GRIK4: variants seen among roughly 807,000 people sequenced by gnomAD.
GRIK4 encodes the protein glutamate receptor ionotropic, kainate 4.
GRIK4 carries 40 observed loss-of-function variants against 104.9 expected under a neutral mutation model. The ratio of observed to expected loss-of-function variants is 0.38; its 90% CI spans 0.30 to 0.50. GRIK4 has a LOEUF of 0.50. Among genes scored for constraint, GRIK4 ranks in the 20% least tolerant of loss-of-function variants. The probability of loss-of-function intolerance (pLI) is 0.93; values close to 1 mark genes in which losing one functional copy is unlikely to be tolerated. For missense variants in GRIK4, 1,047 were observed against 1,308.1 expected (o/e 0.80, Z 3.08); for synonymous variants, 485 against 524.9 (o/e 0.92, Z 1.04).
chr11:120,595,207 C>T (rs1157318661), intron 1 of GRIK4, among the ~76,000 whole-genome samples: 1 of 152,230 alleles, frequency 6.6e-6, no homozygotes, highest in Non-Finnish European at 1.5e-5. Context: ...CGTGCTGTGC[C>T]CTCTCCTGCC....
At chr11:120,949,881 G>A (rs1943956739) in intron 14 of GRIK4, among the ~76,000 whole-genome samples, 1 of 152,148 alleles carries the variant, frequency 6.6e-6, no homozygotes, top group Non-Finnish European at 1.5e-5. Context: ...ATTGGGTATT[G>A]AAATCAAGAG....
rs118185923 is a variant in GRIK4, at chr11:120,730,965, G to A, written c.82+70565G>A. 5.3e-3 allele frequency among the ~76,000 whole-genome samples: 808 copies of A among 152,200 alleles called. 4 individuals are homozygous for A. The highest frequency in any genetic ancestry group is 8.2e-3 in the Admixed American group (125 of 15,282). On this transcript the variant is annotated intron_variant, in intron 3 of 20. Coordinates refer to ENST00000527524, the MANE Select transcript of GRIK4 (RefSeq NM_014619.5). ...TATCAGTTCTAATAGTTTTTTGGTG[G>A]AGTCTTCAGGTTTTTCCAAATGCAA...
At chr11:120,771,379 A>G (rs1008626657) in intron 3 of GRIK4, among the ~76,000 whole-genome samples, 1 of 152,210 alleles carries the variant, frequency 6.6e-6, no homozygotes, top group Non-Finnish European at 1.5e-5. Context: ...TTGTGTTCTA[A>G]TATTGTAATA....
At chr11:120,599,500 G>A (rs556931455) in intron 1 of GRIK4, among the ~76,000 whole-genome samples, 2 of 152,318 alleles carry the variant, frequency 1.3e-5, no homozygotes, top group South Asian at 2.1e-4. Flanking sequence ...AGACCAGAGG[G>A]TTTTAGGCCC....
At chr11:120,643,817 G>A (rs1052114328) in intron 1 of GRIK4, among the ~76,000 whole-genome samples, 4 of 152,154 alleles carry the variant, frequency 2.6e-5, no homozygotes, top group Non-Finnish European at 5.9e-5. Context: ...GTCTAATAAC[G>A]TTAGTTCTAG....
chr11:120,820,657 C>A (rs1267789973), intron 6 of GRIK4, among the ~76,000 whole-genome samples: 3 of 152,224 alleles, frequency 2.0e-5, no homozygotes, highest in Non-Finnish European at 4.4e-5. Flanking sequence ...CCCCAGGCAC[C>A]TGTGTCCTGC....
At chr11:120,795,951 T>C (rs1293080827) in intron 3 of GRIK4, among the ~76,000 whole-genome samples, 1 of 152,188 alleles carries the variant, frequency 6.6e-6, no homozygotes, top group Non-Finnish European at 1.5e-5. Flanking sequence ...ACAGTATAAG[T>C]GTTATGCAAA....
At chr11:120,962,020 T>G (rs892210467) in intron 17 of GRIK4, among the ~76,000 whole-genome samples, 2 of 152,182 alleles carry the variant, frequency 1.3e-5, no homozygotes, top group Admixed American at 1.3e-4. Context: ...AATAGGAAAC[T>G]GCTTCTTCAA....
intron 1 of GRIK4, among the ~76,000 whole-genome samples, chr11:120,612,692 G>C (rs1949052267): frequency 6.6e-6 from 1 of 152,198 alleles, no homozygotes; most frequent in African/African-American, 2.4e-5. Context: ...CTCAGTTAAA[G>C]GGAATTATTA....
chr11:120,606,739 T>C (rs1465244994), intron 1 of GRIK4, among the ~76,000 whole-genome samples: 1 of 152,088 alleles, frequency 6.6e-6, no homozygotes, highest in East Asian at 1.9e-4. Context: ...CGGAGGTGAC[T>C]GGGAGTGATG....
intron 3 of GRIK4, among the ~76,000 whole-genome samples, chr11:120,660,702 T>C (rs1036435577): frequency 2.0e-5 from 3 of 151,966 alleles, no homozygotes; most frequent in African/African-American, 7.3e-5. Context: ...AAAAGGAGGG[T>C]GAGGATGGCC....
At chr11:120,515,913 C>T (rs72998715) in intron 1 of GRIK4, among the ~76,000 whole-genome samples, 4 of 152,286 alleles carry the variant, frequency 2.6e-5, no homozygotes, top group Non-Finnish European at 4.4e-5. Flanking sequence ...AGTCCAGCTA[C>T]CCGGCGAGTT....
intron 17 of GRIK4, 81 bp from the exon 18 acceptor site, chr11:120,962,375 G>T: frequency 1.1e-6 from 1 of 887,524 alleles, no homozygotes; most frequent in Non-Finnish European, 1.8e-6. Flanking sequence ...GCATCTTAAG[G>T]TGCACTTTGA....
intron 12 of GRIK4, among the ~76,000 whole-genome samples, chr11:120,899,275 G>T (rs1313842682): frequency 6.6e-6 from 1 of 152,010 alleles, no homozygotes; most frequent in Non-Finnish European, 1.5e-5. Context: ...AGAAAAATTA[G>T]CTGGGCACGG....
chr11:120,536,880 T>G (rs114635519), intron 1 of GRIK4, among the ~76,000 whole-genome samples: 2,137 of 152,258 alleles, frequency 0.014, 42 homozygotes, highest in African/African-American at 0.048. Context: ...GGCAGAGGAC[T>G]TGGAGGCAGG....
chr11:120,655,183 A>G (rs1949687241), intron 2 of GRIK4, among the ~76,000 whole-genome samples: 1 of 151,844 alleles, frequency 6.6e-6, no homozygotes, highest in Non-Finnish European at 1.5e-5. Context: ...CCAGTGAGGC[A>G]TGTTAGGGTA....
At chr11:120,624,495 T>C (rs7949316) in intron 1 of GRIK4, among the ~76,000 whole-genome samples, 108,668 of 151,994 alleles carry the variant, frequency 0.71, 39,294 homozygotes, top group African/African-American at 0.78. Context: ...TGAGTAGCTG[T>C]AGGTGCTCCT....
intron 3 of GRIK4, among the ~76,000 whole-genome samples, chr11:120,729,590 C>A (rs564450999): frequency 6.6e-6 from 1 of 152,168 alleles, no homozygotes; most frequent in South Asian, 2.1e-4. Context: ...GATCTTTTGC[C>A]CATTTCTTAA....
intron 3 of GRIK4, among the ~76,000 whole-genome samples, chr11:120,768,854 A>G (rs940336764): frequency 2.6e-5 from 4 of 152,196 alleles, no homozygotes; most frequent in African/African-American, 4.8e-5. Flanking sequence ...ATTGAATTGC[A>G]TATGTTAAAC....
Sources: gnomAD v4.1 joint callset for allele counts (sites outside exome capture counted in the v4.1 genomes callset) on GRCh38, gnomAD v4.1.1 for gene constraint, MANE v1.5 for transcripts, NCBI Gene and HGNC (gene_info 2026-07-23, HGNC 2026-07-21) for gene names.